The following KCNS3 variants were observed in gnomAD, a reference collection of about 807,000 sequenced individuals.
KCNS3 encodes potassium voltage-gated channel modifier subfamily S member 3, also known as delayed-rectifier potassium channel regulatory subunit KCNS3.
Under a neutral mutation model 31.0 loss-of-function variants are expected in KCNS3, and 13 were observed. The observed-to-expected ratio is 0.42, with a 90% CI of 0.27 to 0.67. KCNS3 has a LOEUF of 0.67. KCNS3 is among the 30% of genes least tolerant of loss of function. KCNS3 has a pLI of 0.25. For missense variants in KCNS3, 545 were observed against 622.4 expected (o/e 0.88, Z 1.32); for synonymous variants, 238 against 241.5 (o/e 0.99, Z 0.13).
At chr2:17,922,904 G>A (rs1381029216) in intron 2 of KCNS3, among the ~76,000 whole-genome samples, 3 of 152,030 alleles carry the variant, frequency 2.0e-5, no homozygotes, top group East Asian at 1.9e-4. Flanking sequence ...ATGCTGCTAC[G>A]AACATTACAT....
chr2:17,912,552 G>A (rs1226151257), intron 1 of KCNS3, among the ~76,000 whole-genome samples: 1 of 152,178 alleles, frequency 6.6e-6, no homozygotes. Flanking sequence ...ACACCCTTCC[G>A]CAGGGAAGCG....
At chr2:17,920,631 T>G (rs1572499989) in intron 2 of KCNS3, among the ~76,000 whole-genome samples, 1 of 152,198 alleles carries the variant, frequency 6.6e-6, no homozygotes, top group Admixed American at 6.5e-5. Flanking sequence ...ATACTGTATA[T>G]ATAGTGTTCT....
intron 1 of KCNS3, among the ~76,000 whole-genome samples, chr2:17,905,211 T>C (rs1230472609): frequency 1.3e-5 from 2 of 152,228 alleles, no homozygotes; most frequent in African/African-American, 4.8e-5. Context: ...TATTTTATTC[T>C]CTTTGAAGCA....
rs573946951 is a variant in KCNS3, at chr2:17,903,792, C to A, written c.-251-13888C>A. Among the ~76,000 whole-genome samples the A allele has an allele frequency of 1.3e-3, 191 of 152,158 alleles. 6 individuals carry two copies. The South Asian group carries it at 0.038, about 30-fold the overall frequency. ...TCCCTACAAAGGACATGAACTCATC[C>A]TTTTTTATGGCTGCATAGTATTCCA... On this transcript the variant is annotated intron_variant, in intron 1 of 2. Transcript: ENST00000304101.
At chr2:17,900,396 G>C (rs1009209831) in intron 1 of KCNS3, among the ~76,000 whole-genome samples, 2 of 152,146 alleles carry the variant, frequency 1.3e-5, no homozygotes, top group African/African-American at 4.8e-5. Context: ...TGGAGAATAT[G>C]ATAGAGCTGA....
At chr2:17,914,621 G>A (rs956936365) in intron 1 of KCNS3, among the ~76,000 whole-genome samples, 2 of 152,172 alleles carry the variant, frequency 1.3e-5, no homozygotes, top group Admixed American at 1.3e-4. Context: ...TCAGGGAAGA[G>A]GAATTGGTTC....
At chr2:17,910,226 A>G (rs1367124847) in intron 1 of KCNS3, among the ~76,000 whole-genome samples, 1 of 152,232 alleles carries the variant, frequency 6.6e-6, no homozygotes, top group African/African-American at 2.4e-5. Flanking sequence ...CAAAGTAATA[A>G]TGAGTATAAA....
intron 1 of KCNS3, chr2:17,879,605 G>C (rs762403600): frequency 6.6e-6 from 1 of 152,270 alleles, no homozygotes; most frequent in Non-Finnish European, 1.5e-5. Context: ...TAGCAAGCGA[G>C]CCAGTCTTGC....
At chr2:17,924,888 T>G (rs1662800099) in intron 2 of KCNS3, among the ~76,000 whole-genome samples, 1 of 152,204 alleles carries the variant, frequency 6.6e-6, no homozygotes, top group South Asian at 2.1e-4. Context: ...TGCCTTTCTC[T>G]TCTAATTTTT....
At chr2:17,882,231 T>C (rs1355841241) in intron 1 of KCNS3, among the ~76,000 whole-genome samples, 1 of 152,158 alleles carries the variant, frequency 6.6e-6, no homozygotes, top group Admixed American at 6.5e-5. Flanking sequence ...CAATACAAGA[T>C]GCTAAATGTT....
intron 1 of KCNS3, among the ~76,000 whole-genome samples, chr2:17,902,659 C>A (rs747182377): frequency 6.6e-6 from 1 of 152,044 alleles, no homozygotes; most frequent in Non-Finnish European, 1.5e-5. Context: ...AGCAGCCATG[C>A]CTTAAGATGG....
rs1662990914 is a variant in KCNS3, at chr2:17,931,860, C to A, written c.852C>A (p.Asn284Lys). 6.2e-7 allele frequency: 1 copy of A among 1,614,168 alleles called. No individual in the cohort carries two copies. Among genetic ancestry groups the A allele is most frequent in the Non-Finnish European group, 8.5e-7 (1 of 1,180,038 alleles). The change falls in exon 3 of 3, where the codon AAC becomes AAA. Residue 284 changes from asparagine to lysine, a missense_variant. Physicochemically the swap from Asn to Lys is moderately conservative, Grantham distance 94. Coordinates refer to ENST00000304101, the MANE Select transcript of KCNS3 (RefSeq NM_002252.5). The surrounding 1 kb of genome is among the most constrained non-coding windows in gnomAD (Gnocchi z 5.4). ...TKEEESEDIE[N>K]MGKVVQILRL... ...AGGAAGAGAGTGAGGATATTGAGAA[C>A]ATGGGCAAGGTGGTCCAGATCCTAC... is the stretch of plus-strand genomic sequence containing the variant.
intron 1 of KCNS3, among the ~76,000 whole-genome samples, chr2:17,888,670 T>TAA (rs1558447070): frequency 7.0e-5 from 9 of 129,180 alleles, no homozygotes; most frequent in Non-Finnish European, 1.5e-4. Context: ...TATATATATA[T>TAA]ATAAAGAAAA....
chr2:17,929,703 G>T (rs1179314539), intron 2 of KCNS3, among the ~76,000 whole-genome samples: 1 of 152,196 alleles, frequency 6.6e-6, no homozygotes. Flanking sequence ...ATGCTTGACT[G>T]ACCTCTCGCA....
chr2:17,913,138 ATT>A (rs1491303739), intron 1 of KCNS3, among the ~76,000 whole-genome samples: 139,164 of 151,896 alleles, frequency 0.92, 63,934 homozygotes, highest in East Asian at 0.99. Flanking sequence ...ATTTTATTTA[ATT>A]AAACACTGGG....
At chr2:17,917,549 G>T (rs1374768636) in intron 1 of KCNS3, 131 bp from the exon 2 acceptor site, 2 of 152,218 alleles carry the variant, frequency 1.3e-5, no homozygotes, top group Admixed American at 6.5e-5. Flanking sequence ...CCCCCCACTT[G>T]CTGAGAATTA....
intron 1 of KCNS3, among the ~76,000 whole-genome samples, chr2:17,897,247 A>G (rs144354360): frequency 1.4e-3 from 206 of 152,344 alleles, no homozygotes; most frequent in Non-Finnish European, 2.5e-3. Context: ...ACAGTTGTGT[A>G]ATATTCCATG....
chr2:17,930,432 C>T lies in KCNS3; in HGVS notation c.-59-518C>T, dbSNP rs1662932418. Among the ~76,000 whole-genome samples, 5 of 152,292 alleles carry T rather than the reference C, an allele frequency of 3.3e-5. No individual in the cohort carries two copies. The South Asian group carries it at 1.0e-3, about 32-fold the overall frequency. On this transcript the variant is annotated intron_variant, in intron 2 of 2. Coordinates refer to ENST00000304101, the MANE Select transcript of KCNS3 (RefSeq NM_002252.5). Reference sequence around the variant, plus strand: ...ACATTGGTACGCAAAGGGAAACTCACATCCTTTGTAAGAGCTGAGCTGAGC... The same window carrying T: ...ACATTGGTACGCAAAGGGAAACTCATATCCTTTGTAAGAGCTGAGCTGAGC...
intron 1 of KCNS3, among the ~76,000 whole-genome samples, chr2:17,904,277 A>G (rs543045796): frequency 7.3e-5 from 11 of 151,658 alleles, no homozygotes; most frequent in Non-Finnish European, 1.6e-4. Context: ...GTGTCTGTTC[A>G]TATCCTTCGC....
Sources: allele counts gnomAD v4.1 joint callset (sites outside exome capture counted in the v4.1 genomes callset), GRCh38; gene constraint gnomAD v4.1.1; non-coding constraint Gnocchi (gnomAD v3.1); transcripts MANE v1.5; gene names NCBI Gene and HGNC (gene_info 2026-07-23, HGNC 2026-07-21).